RAB3GAP1: variants seen among roughly 807,000 people sequenced by gnomAD.
RAB3GAP1 encodes rab3 GTPase-activating protein catalytic subunit.
RAB3GAP1 carries 86 observed loss-of-function variants against 130.7 expected under a neutral mutation model. The observed-to-expected ratio is 0.66, with a 90% CI of 0.55 to 0.79. The LOEUF is 0.79. Among genes scored for constraint, RAB3GAP1 ranks in the 30% least tolerant of loss-of-function variants. The pLI, the probability that RAB3GAP1 is intolerant of heterozygous loss-of-function variation, is 0.00. For synonymous variants in RAB3GAP1, 367 were observed against 401.7 expected (o/e 0.91, Z 1.03); for missense variants, 1,029 against 1,169.4 (o/e 0.88, Z 1.75).
intron 5 of RAB3GAP1, among the ~76,000 whole-genome samples, chr2:135,096,891 T>A (rs1335866731): frequency 1.3e-5 from 2 of 152,198 alleles, no homozygotes; most frequent in Non-Finnish European, 2.9e-5. Flanking sequence ...TTTTGGTATG[T>A]ATTTCCTCAC....
At chr2:135,109,763 C>T (rs1442037337) in intron 5 of RAB3GAP1, among the ~76,000 whole-genome samples, 1 of 151,184 alleles carries the variant, frequency 6.6e-6, no homozygotes, top group Non-Finnish European at 1.5e-5. Flanking sequence ...TTTGTATTTT[C>T]AGTAGAGATA....
Position 135,135,558 on chromosome 2 carries a change from C to G in RAB3GAP1, c.1555-6C>G. On this transcript the variant is annotated splice_polypyrimidine_tract_variant and splice_region_variant and intron_variant, in intron 16 of 23. Transcript: ENST00000264158. ...CAACTATAAATGTTATTTCTCTTTT[C>G]TTAAGATGTTAAATTGTTGTATTGA... 6.3e-7 allele frequency: 1 copy of G among 1,590,774 alleles called. No individual in the cohort carries two copies. Among genetic ancestry groups the G allele is most frequent in the Non-Finnish European group, 8.6e-7 (1 of 1,165,468 alleles).
chr2:135,150,257 A>T, intron 17 of RAB3GAP1, 112 bp from the exon 18 acceptor site: 1 of 1,275,626 alleles, frequency 7.8e-7, no homozygotes, highest in Non-Finnish European at 1.1e-6. Flanking sequence ...TTTTAAAAAT[A>T]CTCATCTTGT....
chr2:135,111,006 T>G (rs1003901447), intron 5 of RAB3GAP1, among the ~76,000 whole-genome samples: 2 of 152,234 alleles, frequency 1.3e-5, no homozygotes, highest in Non-Finnish European at 2.9e-5. Flanking sequence ...CAAAGATCTT[T>G]AGAGCTCAAT....
chr2:135,126,798 T>C (rs1262353931), intron 11 of RAB3GAP1, 142 bp downstream of exon 11: 4 of 742,058 alleles, frequency 5.4e-6, no homozygotes, highest in African/African-American at 5.2e-5. Flanking sequence ...TAGCAGTGAA[T>C]CCTTTTTTGA....
At position 135,055,676 on chromosome 2, in the gene RAB3GAP1, C is replaced by T. The variant is rs539460326; in HGVS notation, c.75-2335C>T. Among the ~76,000 whole-genome samples, 953 of 129,056 alleles carry T rather than the reference C, an allele frequency of 7.4e-3. 5 individuals carry two copies. Among genetic ancestry groups the T allele is most frequent in the Middle Eastern group, 0.054 (12 of 222 alleles). The allele number at this position is 129,056 out of a possible 152,430, so 84.7% of individuals were successfully genotyped here. On this transcript the variant is annotated intron_variant, in intron 2 of 23. Transcript: ENST00000264158. ...CTGGGTGACAGAGTTGAGACCCTGT[C>T]TCAAAAAAAAAAAAAAAAAGACATT... is the stretch of plus-strand genomic sequence containing the variant.
At chr2:135,138,009 T>C (rs934284742) in intron 17 of RAB3GAP1, among the ~76,000 whole-genome samples, 2 of 151,932 alleles carry the variant, frequency 1.3e-5, no homozygotes, top group African/African-American at 4.8e-5. Context: ...GTGGTTTTTA[T>C]AGAGGTGGGG....
chr2:135,164,650 G>A lies in RAB3GAP1; in HGVS notation c.2663G>A (p.Gly888Glu), dbSNP rs1189836539. The A allele has an allele frequency of 1.9e-6, 3 of 1,613,480 alleles. No homozygotes were observed. Among genetic ancestry groups the A allele is most frequent in the Admixed American group, 3.3e-5 (2 of 59,998 alleles). ...PEVLVTGAGR[G>E]HAGRIIHKLF... ...GTGTTAGTCACCGGTGCAGGAAGAG[G>A]ACATGCTGGCAGGATCATTCACAAG... Residue 888 changes from glycine (G) to glutamate (E), a missense_variant, in exon 23 of 24, where the codon GGA becomes GAA. Coordinates refer to ENST00000264158, the MANE Select transcript of RAB3GAP1 (RefSeq NM_012233.3).
At chr2:135,070,159 G>A (rs1689426857) in intron 3 of RAB3GAP1, among the ~76,000 whole-genome samples, 1 of 152,206 alleles carries the variant, frequency 6.6e-6, no homozygotes, top group African/African-American at 2.4e-5. Context: ...CTTGGTATCA[G>A]CTCACTCCTT....
chr2:135,053,898 G>A (rs1169610269), intron 2 of RAB3GAP1, among the ~76,000 whole-genome samples: 2 of 152,168 alleles, frequency 1.3e-5, no homozygotes, highest in Non-Finnish European at 2.9e-5. Flanking sequence ...AGAAAAGATA[G>A]GAAATGAGCT....
At chr2:135,151,691 A>T (rs1313035655) in intron 18 of RAB3GAP1, among the ~76,000 whole-genome samples, 1 of 152,258 alleles carries the variant, frequency 6.6e-6, no homozygotes, top group African/African-American at 2.4e-5. Context: ...AAGAGAAGCC[A>T]GTTGGCTCTT....
intron 17 of RAB3GAP1, among the ~76,000 whole-genome samples, chr2:135,138,281 CAA>C (rs755492320): frequency 2.9e-4 from 31 of 107,434 alleles, no homozygotes; most frequent in Non-Finnish European, 2.9e-4. Flanking sequence ...CTATTTCTAC[CAA>C]AAAAAAAAAA....
rs1005718589 is a variant in RAB3GAP1, at chr2:135,113,170, G to A, written c.382G>A (p.Val128Met). 8 of 1,613,966 alleles carry A rather than the reference G, an allele frequency of 5.0e-6. No individual in the cohort carries two copies. Among genetic ancestry groups the A allele is most frequent in the African/African-American group, 2.7e-5 (2 of 74,888 alleles). Residue 128 changes from valine (V) to methionine (M), a missense_variant, in exon 6 of 24, where the codon GTG becomes ATG. Val to Met is a conservative substitution (Grantham distance 21). Around this residue, in one of 3 missense-constraint regions of RAB3GAP1, gnomAD observed 510 missense variants for 532.1 expected, o/e 0.96. Coordinates refer to ENST00000264158, the MANE Select transcript of RAB3GAP1 (RefSeq NM_012233.3). The stretch of plus-strand genomic sequence containing the variant: ...TTTAAGGTATGGGCTACGTGAGTTC[G>A]TGGTGATTGCCCCTGCTGCACACAG... The part of the protein sequence containing the change: ...LVRWYGLREF[V>M]VIAPAAHSDA...
chr2:135,103,791 C>T (rs1690518463), intron 5 of RAB3GAP1, among the ~76,000 whole-genome samples: 1 of 152,196 alleles, frequency 6.6e-6, no homozygotes, highest in African/African-American at 2.4e-5. Context: ...CTGTTGGGAA[C>T]AGATGGGTAA....
chr2:135,167,657 C>T (rs1262259899), intron 23 of RAB3GAP1: 14 of 1,467,344 alleles, frequency 9.5e-6, no homozygotes, highest in Non-Finnish European at 1.3e-5. Context: ...GCTTGTTTCC[C>T]TTTCATCACT....
rs757201107 is a variant in RAB3GAP1 at position 135,112,844 on chromosome 2, A to T, written c.363-307A>T. Among the ~76,000 whole-genome samples, 5,920 of 150,880 alleles carry T rather than the reference A, an allele frequency of 0.039. 114 individuals carry two copies. Among genetic ancestry groups the T allele is most frequent in the African/African-American group, 0.049 (1,983 of 40,592 alleles). ...CTCTCTCTCTCTCTCTCACACACAC[A>T]CACACACACACACACACACACACAG... On this transcript the variant is annotated intron_variant, in intron 5 of 23. Coordinates refer to ENST00000264158, the MANE Select transcript of RAB3GAP1 (RefSeq NM_012233.3).
intron 19 of RAB3GAP1, among the ~76,000 whole-genome samples, chr2:135,157,844 A>G (rs11904211): frequency 6.6e-6 from 1 of 151,180 alleles, no homozygotes; most frequent in African/African-American, 2.4e-5. Context: ...AAAAAAAAAA[A>G]AAAAACAAAA....
intron 23 of RAB3GAP1, among the ~76,000 whole-genome samples, chr2:135,167,471 G>A (rs926497787): frequency 2.0e-5 from 3 of 151,072 alleles, no homozygotes; most frequent in African/African-American, 7.3e-5. Flanking sequence ...GTCACCTGTT[G>A]AGCCATGGAT....
chr2:135,053,313 CTTTGA>C (rs1688930290), intron 2 of RAB3GAP1, among the ~76,000 whole-genome samples: 1 of 152,228 alleles, frequency 6.6e-6, no homozygotes, highest in Admixed American at 6.5e-5. Context: ...TTTTGGAATG[CTTTGA>C]TTTAAGTTGT....
Sources: allele counts gnomAD v4.1 joint callset (sites outside exome capture counted in the v4.1 genomes callset), GRCh38; gene constraint gnomAD v4.1.1; regional missense constraint gnomAD v4.1.1; transcripts MANE v1.5; gene names NCBI Gene and HGNC (gene_info 2026-07-23, HGNC 2026-07-21).